The following DDX11 variants were observed in gnomAD, a reference collection of about 807,000 sequenced individuals.
DDX11 encodes the protein DEAD/H-box helicase 11, also known as ATP-dependent DNA helicase DDX11.
In DDX11, 72 loss-of-function variants were observed where a neutral mutation model predicts 125.2. The observed-to-expected ratio is 0.58, with a 90% confidence interval of 0.48 to 0.70. The LOEUF is 0.70. Ranked by LOEUF, DDX11 falls within the 30% of genes least tolerant of loss-of-function variation. The pLI is 0.00. For synonymous variants in DDX11, 347 were observed against 452.6 expected (o/e 0.77, Z 2.96); for missense variants, 883 against 1,165.0 (o/e 0.76, Z 3.52).
rs747594127 is a variant in DDX11 at position 31,094,678 on chromosome 12, C to T, written c.1414+44C>T. On this transcript the variant is annotated intron_variant, in intron 13 of 26. Coordinates refer to ENST00000542838, the MANE Select transcript of DDX11 (RefSeq NM_030653.4). Reference sequence around the variant, plus strand: ...GAGGGCCCAGAGCTGATCTGAGCCACTTCCGAGCTTAACCCTGGGACTGAA... The same window carrying T: ...GAGGGCCCAGAGCTGATCTGAGCCATTTCCGAGCTTAACCCTGGGACTGAA... 6 of 1,544,078 alleles carry T rather than the reference C, an allele frequency of 3.9e-6. No individual in the cohort carries two copies. In the Admixed American group the frequency reaches 1.1e-4, roughly 30 times the overall value.
At chr12:31,089,715 C>G (rs1943846775) in intron 8 of DDX11, 171 bp from the exon 9 acceptor site, 5 of 1,336,410 alleles carry the variant, frequency 3.7e-6, no homozygotes, top group Non-Finnish European at 5.2e-6. Context: ...TTCTGGAGAA[C>G]AGAAGTAAAA....
intron 2 of DDX11, among the ~76,000 whole-genome samples, chr12:31,082,495 G>A (rs534786278): frequency 5.2e-4 from 79 of 152,204 alleles, no homozygotes; most frequent in African/African-American, 1.7e-3. Context: ...TGACTCCTGC[G>A]CCGCGCTGCT....
intron 18 of DDX11, 59 bp downstream of exon 18, chr12:31,098,056 G>A: frequency 1.4e-6 from 2 of 1,425,956 alleles, no homozygotes; most frequent in Middle Eastern, 1.9e-4. Flanking sequence ...TGGGGGCTTG[G>A]GAGAGATGCA....
In DDX11 at chr12:31,104,242, C is replaced by G; in HGVS notation, c.*406C>G. Reference sequence around the variant, plus strand: ...GCAGGCCCATCTGCCTCTGCCCTTTCTAGCCAAGGTTATAGCTGCCCTGGA... The same window carrying G: ...GCAGGCCCATCTGCCTCTGCCCTTTGTAGCCAAGGTTATAGCTGCCCTGGA... On this transcript the variant is annotated 3_prime_UTR_variant, in exon 27 of 27. Transcript: ENST00000542838. The G allele has an allele frequency of 9.5e-6, 7 of 738,630 alleles. No individual in the cohort carries two copies. The highest frequency in any genetic ancestry group is 1.3e-5 in the Non-Finnish European group (6 of 470,482). The allele number at this position is 738,630 out of a possible 1,614,324, so 45.8% of individuals were successfully genotyped here. A position where few individuals can be genotyped will look rare whatever the true frequency, so the allele number is the denominator to read the frequency against.
rs1233562940 is a variant in DDX11 at position 31,091,722 on chromosome 12, G to A, written c.1093G>A (p.Val365Met). 4 of 1,611,692 alleles carry A rather than the reference G, an allele frequency of 2.5e-6. No homozygotes were observed. Among genetic ancestry groups the A allele is most frequent in the East Asian group, 2.2e-5 (1 of 44,656 alleles). ...GTGGCCTCATCTCCCCTCCCAGCTG[G>A]TGGTGCTGCCCTATCAGATGCTGCT... ...SRLAIPAAQL[V>M]VLPYQMLLHA... Residue 365 changes from valine to methionine, a missense_variant, in exon 10 of 27, where the codon GTG becomes ATG. This residue lies in a region of DDX11 where 72 missense variants were observed against 159.7 expected (regional missense o/e 0.45). Transcript: ENST00000542838.
intron 25 of DDX11, 75 bp from the exon 26 acceptor site, chr12:31,103,502 A>AG (rs1946769237): frequency 6.2e-7 from 1 of 1,609,756 alleles, no homozygotes. Context: ...GAGGAAGGGG[A>AG]GGGGGTCGCC....
chr12:31,101,408 TC>T, intron 20 of DDX11: 1 of 543,966 alleles, frequency 1.8e-6, no homozygotes, highest in Non-Finnish European at 3.3e-6. Flanking sequence ...AGCTGCTAGT[TC>T]CCTTTGGCTC....
At chr12:31,097,413 C>T (rs1945461809) in intron 17 of DDX11, among the ~76,000 whole-genome samples, 1 of 144,858 alleles carries the variant, frequency 6.9e-6, no homozygotes. Context: ...GGCGCGGTGG[C>T]TCACGCCTAT....
In DDX11 at chr12:31,097,704, A is replaced by AGAG. The variant is rs1413012240; in HGVS notation, c.1763-178_1763-176dup. ...CAAAAAAAAAAAAAAAAAAGGATGG[A>AGAG]GAGGACAGTGTGGTCCACCTCTGTG... On this transcript the variant is annotated intron_variant, in intron 17 of 26. Coordinates refer to ENST00000542838, the MANE Select transcript of DDX11 (RefSeq NM_030653.4). 8.5e-5 allele frequency among the ~76,000 whole-genome samples: 12 copies of AGAG among 141,766 alleles called. No individual in the cohort carries two copies. The East Asian group carries it at 2.6e-3, about 30-fold the overall frequency. The allele number at this position is 141,766 out of a possible 152,430, so 93.0% of individuals were successfully genotyped here.
Position 31,101,155 on chromosome 12 carries a change from C to G in DDX11, c.2052+25C>G, listed in dbSNP as rs372890818. 1.2e-5 allele frequency: 19 copies of G among 1,602,318 alleles called. No homozygotes were observed. The East Asian group carries it at 3.8e-4, about 32-fold the overall frequency. On this transcript the variant is annotated intron_variant, in intron 20 of 26. Transcript: ENST00000542838. The stretch of plus-strand genomic sequence containing the variant: ...GGTCAGTCCCAGCCAGCTCGCCGCA[C>G]CACAGCCTGGCCTCAGGCAGCAAAG...
intron 7 of DDX11, 108 bp from the exon 8 acceptor site, chr12:31,089,295 C>A (rs2140698518): frequency 1.4e-6 from 2 of 1,424,690 alleles, no homozygotes; most frequent in African/African-American, 1.4e-5. Flanking sequence ...CCTGGCCGGC[C>A]CAGCACTGGA....
At chr12:31,076,415 T>C (rs1489095735) in intron 1 of DDX11, among the ~76,000 whole-genome samples, 1 of 152,148 alleles carries the variant, frequency 6.6e-6, no homozygotes, top group Admixed American at 6.5e-5. Flanking sequence ...CTTTCCCAGA[T>C]AGTTTCAATT....
rs530316644 is a variant in DDX11 at position 31,087,014 on chromosome 12, C to A, written c.639-924C>A. ...ATTTCGAGGTGAACAAAAATGTTTT[C>A]TTTTTATGTGATGTTGCCATAGGTA... On this transcript the variant is annotated intron_variant, in intron 5 of 26. Coordinates refer to ENST00000542838, the MANE Select transcript of DDX11 (RefSeq NM_030653.4). 2.1e-5 allele frequency among the ~76,000 whole-genome samples: 3 copies of A among 143,974 alleles called. No homozygotes were observed. In the East Asian group the frequency reaches 6.2e-4, roughly 30 times the overall value. 94.5% of individuals were successfully genotyped at this position (143,974 alleles called of 152,430 possible).
In DDX11 at chr12:31,096,346, G is replaced by A; in HGVS notation, c.1488G>A (p.Gln496=). Residue 496 remains glutamine, a synonymous_variant, in exon 15 of 27, where the codon CAG becomes CAA. Transcript: ENST00000542838. Reference sequence around the variant, plus strand: ...GCTGGGCTTGGTTTTTGCAGGTGCAGCGATACTGTGAGAAGAGCATGATCA... The same window carrying A: ...GCTGGGCTTGGTTTTTGCAGGTGCAACGATACTGTGAGAAGAGCATGATCA... ...QIDNINLFKV[Q]RYCEKSMISR... 2.5e-6 allele frequency: 4 copies of A among 1,612,502 alleles called. No individual in the cohort carries two copies. Among genetic ancestry groups the A allele is most frequent in the Non-Finnish European group, 3.4e-6 (4 of 1,179,478 alleles).
rs1487354190 is a variant in DDX11 at position 31,073,912 on chromosome 12, C to G, written c.-184C>G. ...GACCCGCCAGTTTCTAACTCAGTGG[C>G]GTTTGCCCTGATTCCCGGGGCCTGG... On this transcript the variant is annotated 5_prime_UTR_variant, in exon 1 of 27. Transcript: ENST00000542838. 2 of 152,266 alleles carry G rather than the reference C, an allele frequency of 1.3e-5. No individual in the cohort carries two copies. The highest frequency in any genetic ancestry group is 4.8e-5 in the African/African-American group (2 of 41,466). The allele number at this position is 152,266 out of a possible 1,614,324, so 9.4% of individuals were successfully genotyped here.
intron 17 of DDX11, 105 bp from the exon 18 acceptor site, chr12:31,097,780 A>T: frequency 1.3e-6 from 1 of 743,426 alleles, no homozygotes; most frequent in South Asian, 1.4e-5. Context: ...AGAAAGCACT[A>T]GCACTTGTGC....
At chr12:31,098,323 T>C (rs1009461646) in intron 18 of DDX11, among the ~76,000 whole-genome samples, 2 of 152,264 alleles carry the variant, frequency 1.3e-5, no homozygotes, top group Non-Finnish European at 2.9e-5. Context: ...TGTATATGAA[T>C]ATAATAGTCT....
intron 5 of DDX11, among the ~76,000 whole-genome samples, chr12:31,086,622 G>T (rs1467281370): frequency 6.6e-6 from 1 of 152,200 alleles, no homozygotes; most frequent in African/African-American, 2.4e-5. Flanking sequence ...AGCCCGTGGG[G>T]ACAAGGCAGA....
At chr12:31,102,386 A>C (rs1341293793) in intron 22 of DDX11, 41 bp from the exon 23 acceptor site, 1 of 1,610,640 alleles carries the variant, frequency 6.2e-7, no homozygotes, top group Non-Finnish European at 8.5e-7. Context: ...GTGTCATCCA[A>C]GTTTTGGCTC....
Sources: allele counts gnomAD v4.1 joint callset (sites outside exome capture counted in the v4.1 genomes callset), GRCh38; gene constraint gnomAD v4.1.1; regional missense constraint gnomAD v4.1.1; transcripts MANE v1.5; gene names NCBI Gene and HGNC (gene_info 2026-07-23, HGNC 2026-07-21).